The following MAGI1 variants were observed in gnomAD, a reference collection of about 807,000 sequenced individuals.
The protein encoded by MAGI1 is membrane-associated guanylate kinase, WW and PDZ domain-containing protein 1.
In MAGI1, 58 loss-of-function variants were observed where a neutral mutation model predicts 139.9. The ratio of observed to expected loss-of-function variants is 0.41; its 90% confidence interval spans 0.34 to 0.52. The LOEUF (loss-of-function observed/expected upper bound fraction) is 0.52, where lower values mean the gene tolerates loss of function less well. Ranked by LOEUF, MAGI1 falls within the 20% of genes least tolerant of loss-of-function variation. The probability of loss-of-function intolerance (pLI) is 0.12; values close to 1 mark genes in which losing one functional copy is unlikely to be tolerated. For missense variants in MAGI1, 1,874 were observed against 1,901.6 expected (o/e 0.99, Z 0.27); for synonymous variants, 812 against 737.9 (o/e 1.10, Z -1.63).
At chr3:65,918,576 T>C (rs1560012167) in intron 1 of MAGI1, among the ~76,000 whole-genome samples, 1 of 151,980 alleles carries the variant, frequency 6.6e-6, no homozygotes. Flanking sequence ...CGATGGGGTT[T>C]CACCATGTTG....
chr3:65,871,901 A>G (rs763633131), intron 1 of MAGI1, among the ~76,000 whole-genome samples: 1 of 152,256 alleles, frequency 6.6e-6, no homozygotes, highest in East Asian at 1.9e-4. Flanking sequence ...CTGCTATTCT[A>G]TTCTGCCTGG....
chr3:65,502,791 A>G (rs2077132038), intron 2 of MAGI1, among the ~76,000 whole-genome samples: 1 of 152,172 alleles, frequency 6.6e-6, no homozygotes, highest in Admixed American at 6.5e-5. Flanking sequence ...AGAGAGGGAG[A>G]CAGAAGGGTG....
intron 1 of MAGI1, among the ~76,000 whole-genome samples, chr3:65,856,730 G>A (rs181751760): frequency 1.2e-3 from 181 of 152,252 alleles, no homozygotes; most frequent in African/African-American, 4.2e-3. Context: ...CCTCCATACT[G>A]ATGCCTGGGA....
Position 65,632,594 on chromosome 3 carries a change from G to A in MAGI1, c.314-10506C>T, listed in dbSNP as rs115908397. Among the ~76,000 whole-genome samples, 1,089 of 152,264 alleles carry A rather than the reference G, an allele frequency of 7.2e-3. 8 individuals carry two copies. The highest frequency in any genetic ancestry group is 0.025 in the African/African-American group (1,053 of 41,552). ...CTCTAAACATTCAAGCATTGGTCTA[G>A]GTCAGGGGTCAGCAAAATATTTCCA... On this transcript the variant is annotated intron_variant, in intron 1 of 22. Transcript: ENST00000402939.
chr3:65,504,616 C>T (rs1460801314), intron 2 of MAGI1, among the ~76,000 whole-genome samples: 1 of 152,084 alleles, frequency 6.6e-6, no homozygotes, highest in East Asian at 1.9e-4. Context: ...AGCTCTTCAC[C>T]CAGGGTTGAA....
intron 1 of MAGI1, among the ~76,000 whole-genome samples, chr3:65,887,821 T>A (rs149923558): frequency 6.6e-6 from 1 of 152,278 alleles, no homozygotes; most frequent in East Asian, 1.9e-4. Context: ...TCTCACTTAC[T>A]GAGTGACCTA....
At chr3:65,433,838 C>T (rs756617558) in intron 10 of MAGI1, among the ~76,000 whole-genome samples, 1 of 152,046 alleles carries the variant, frequency 6.6e-6, no homozygotes, top group Non-Finnish European at 1.5e-5. Context: ...TGTTTAAATA[C>T]CCTAGACCAG....
chr3:65,844,709 A>C (rs550518779), intron 1 of MAGI1, among the ~76,000 whole-genome samples: 2 of 152,144 alleles, frequency 1.3e-5, no homozygotes, highest in Non-Finnish European at 2.9e-5. Context: ...AAGAAACTGA[A>C]AACCCAATTC....
chr3:65,609,814 T>C (rs912701890), intron 2 of MAGI1: 13 of 309,348 alleles, frequency 4.2e-5, no homozygotes, highest in Admixed American at 6.7e-5. Context: ...TGGGCTCAAA[T>C]GATCTGCTCA....
At chr3:65,420,558 G>A (rs1448147402) in intron 12 of MAGI1, among the ~76,000 whole-genome samples, 3 of 152,062 alleles carry the variant, frequency 2.0e-5, no homozygotes, top group South Asian at 2.1e-4. Flanking sequence ...TGCAGATGAC[G>A]CTGCTCTATT....
intron 17 of MAGI1, 28 bp from the exon 18 acceptor site, chr3:65,375,973 T>G (rs545010065): frequency 3.0e-5 from 48 of 1,577,804 alleles, no homozygotes; most frequent in Non-Finnish European, 3.9e-5. Flanking sequence ...TTTAATTTTT[T>G]TAAAGTTACG....
At chr3:65,622,490 G>A (rs867970694) in intron 1 of MAGI1, among the ~76,000 whole-genome samples, 1 of 152,050 alleles carries the variant, frequency 6.6e-6, no homozygotes, top group Non-Finnish European at 1.5e-5. Context: ...GGATTCGAAT[G>A]GTAGGAATTT....
chr3:65,926,927 G>A (rs141309430), intron 1 of MAGI1, among the ~76,000 whole-genome samples: 3,168 of 152,228 alleles, frequency 0.021, 80 homozygotes, highest in African/African-American at 0.058. Flanking sequence ...CCCAGGAGGC[G>A]GAGTTTGCAG....
At chr3:65,566,592 G>A (rs1461154096) in intron 2 of MAGI1, among the ~76,000 whole-genome samples, 1 of 152,102 alleles carries the variant, frequency 6.6e-6, no homozygotes, top group Non-Finnish European at 1.5e-5. Flanking sequence ...TCAGAAGTCA[G>A]TTTTCCCAAG....
At chr3:65,639,988 T>G (rs1482979045) in intron 1 of MAGI1, among the ~76,000 whole-genome samples, 1 of 110,986 alleles carries the variant, frequency 9.0e-6, no homozygotes, top group African/African-American at 3.8e-5. Context: ...AAACTCCGTC[T>G]CAAAAAAAAA....
chr3:65,536,312 C>A (rs1055900431), intron 2 of MAGI1, among the ~76,000 whole-genome samples: 1 of 152,090 alleles, frequency 6.6e-6, no homozygotes, highest in Non-Finnish European at 1.5e-5. Flanking sequence ...CTTCCCATAT[C>A]GGAAGGTCTC....
At chr3:65,514,920 CAAT>C (rs1339723173) in intron 2 of MAGI1, among the ~76,000 whole-genome samples, 2 of 149,332 alleles carry the variant, frequency 1.3e-5, no homozygotes, top group Non-Finnish European at 3.0e-5. Flanking sequence ...AAATGTCCAA[CAAT>C]GATAGACTGG....
intron 9 of MAGI1, among the ~76,000 whole-genome samples, chr3:65,439,173 C>T (rs1948062980): frequency 6.6e-6 from 1 of 152,002 alleles, no homozygotes; most frequent in Non-Finnish European, 1.5e-5. Flanking sequence ...AATATTACGT[C>T]ACCATTAAAA....
chr3:65,834,566 G>C (rs750341299), intron 1 of MAGI1, among the ~76,000 whole-genome samples: 1 of 152,206 alleles, frequency 6.6e-6, no homozygotes, highest in Non-Finnish European at 1.5e-5. Context: ...TTGTTGGGTG[G>C]AAGGTCTATA....
Sources: allele counts gnomAD v4.1 joint callset (sites outside exome capture counted in the v4.1 genomes callset), GRCh38; gene constraint gnomAD v4.1.1; transcripts MANE v1.5; gene names NCBI Gene and HGNC (gene_info 2026-07-23, HGNC 2026-07-21).